Variants in SNX13 observed in about 807,000 individuals in gnomAD.
The protein encoded by SNX13 is sorting nexin 13, also known as sorting nexin-13.
Under a neutral mutation model 133.6 loss-of-function variants are expected in SNX13, and 45 were observed. That is an observed-to-expected ratio of 0.34 (90% CI 0.27 to 0.43). The LOEUF is 0.43. Among genes scored for constraint, SNX13 ranks in the 20% least tolerant of loss-of-function variants. The pLI, the probability that SNX13 is intolerant of heterozygous loss-of-function variation, is 1.00. For missense variants in SNX13, 1,032 were observed against 1,145.1 expected (o/e 0.90, Z 1.43); for synonymous variants, 414 against 373.9 (o/e 1.11, Z -1.24).
intron 5 of SNX13, chr7:17,888,272 C>T (rs1263684892): frequency 6.6e-6 from 1 of 151,794 alleles, no homozygotes; most frequent in Admixed American, 6.6e-5. Context: ...AATGGTCAAG[C>T]AAAGATATAA....
intron 5 of SNX13, chr7:17,880,682 G>A (rs1389611549): frequency 6.6e-6 from 1 of 152,176 alleles, no homozygotes; most frequent in Non-Finnish European, 1.5e-5. Flanking sequence ...CAAAGGGAAT[G>A]GAGAGCACTG....
At chr7:17,841,016 T>C (rs1224160481) in intron 12 of SNX13, among the ~76,000 whole-genome samples, 2 of 152,092 alleles carry the variant, frequency 1.3e-5, no homozygotes, top group African/African-American at 4.8e-5. Context: ...AACAAGTAGC[T>C]GTGCATGCAC....
chr7:17,895,754 T>C (rs201187729), intron 2 of SNX13, among the ~76,000 whole-genome samples: 1 of 152,146 alleles, frequency 6.6e-6, no homozygotes, highest in African/African-American at 2.4e-5. Context: ...TATTAAAGAT[T>C]AAAAACTTAA....
chr7:17,919,175 G>C (rs1008009190), intron 1 of SNX13, among the ~76,000 whole-genome samples: 1 of 152,102 alleles, frequency 6.6e-6, no homozygotes, highest in Non-Finnish European at 1.5e-5. Context: ...GTCAATAGAA[G>C]TCCAAACCTC....
At chr7:17,800,775 A>C (rs1005533849) in intron 22 of SNX13, among the ~76,000 whole-genome samples, 4 of 151,610 alleles carry the variant, frequency 2.6e-5, no homozygotes, top group Non-Finnish European at 5.9e-5. Context: ...CAGACGCATA[A>C]GACAGAACAT....
At chr7:17,881,334 A>G (rs1312248452) in intron 5 of SNX13, 1 of 151,754 alleles carries the variant, frequency 6.6e-6, no homozygotes, top group Admixed American at 6.6e-5. Flanking sequence ...ATATACACAT[A>G]CACAAACACA....
Position 17,801,634 on chromosome 7 carries a change from T to A in SNX13, c.2252A>T (p.Asp751Val), listed in dbSNP as rs764284892. 3.1e-6 allele frequency: 5 copies of A among 1,609,256 alleles called. No homozygotes were observed. The East Asian group carries it at 1.1e-4, about 36-fold the overall frequency. ...AACTCGGCGATGTTCAGGGTCTGAA[T>A]CAGTCTTAGGAATTAAAGGAGGCAC... Reference protein sequence around the residue: ...FKVPPLIPKTDSDPEHRRVSA... With the variant: ...FKVPPLIPKTVSDPEHRRVSA... The change falls in exon 22 of 26, where the codon GAT (aspartate) becomes GTT (valine). Residue 751 changes from aspartate to valine, a missense_variant. Physicochemically the swap from Asp to Val is radical, Grantham distance 152. Coordinates refer to ENST00000428135, the MANE Select transcript of SNX13 (RefSeq NM_015132.5).
At chr7:17,927,636 C>T (rs547631021) in intron 1 of SNX13, among the ~76,000 whole-genome samples, 1 of 152,296 alleles carries the variant, frequency 6.6e-6, no homozygotes, top group East Asian at 1.9e-4. Context: ...CCTTATGACA[C>T]TAAACCAAAA....
chr7:17,825,934 T>C (rs1185123454), intron 17 of SNX13, 88 bp downstream of exon 17: 2 of 887,498 alleles, frequency 2.3e-6, no homozygotes, highest in Admixed American at 3.1e-5. Context: ...AACAAAAAAA[T>C]GGTTAGTAAA....
At chr7:17,832,551 CA>C (rs1410989544) in intron 15 of SNX13, 1 of 906,702 alleles carries the variant, frequency 1.1e-6, no homozygotes, top group African/African-American at 1.8e-5. Context: ...TTATAATAGT[CA>C]TTTTAGGATG....
At chr7:17,816,075 T>G in intron 19 of SNX13, 107 bp downstream of exon 19, 1 of 1,259,368 alleles carries the variant, frequency 7.9e-7, no homozygotes, top group Non-Finnish European at 1.1e-6. Flanking sequence ...GTTGCTACCC[T>G]GTGATTACAG....
intron 9 of SNX13, among the ~76,000 whole-genome samples, chr7:17,853,660 T>C (rs910443214): frequency 4.6e-5 from 7 of 152,194 alleles, no homozygotes; most frequent in East Asian, 1.9e-4. Context: ...AAATTGGCAA[T>C]AGGCCAGGCA....
At chr7:17,905,619 T>C (rs935989170) in intron 1 of SNX13, among the ~76,000 whole-genome samples, 2 of 152,216 alleles carry the variant, frequency 1.3e-5, no homozygotes, top group Admixed American at 6.5e-5. Flanking sequence ...TAACTTTATA[T>C]GCTAAAGTTT....
chr7:17,864,007 C>T (rs1198223862), intron 9 of SNX13, among the ~76,000 whole-genome samples: 1 of 152,168 alleles, frequency 6.6e-6, no homozygotes, highest in Admixed American at 6.5e-5. Flanking sequence ...TGACCATAGG[C>T]TTAGGTTACA....
chr7:17,817,267 A>G (rs1442935148), intron 18 of SNX13, among the ~76,000 whole-genome samples: 1 of 152,234 alleles, frequency 6.6e-6, no homozygotes, highest in Admixed American at 6.5e-5. Context: ...TAACCATACG[A>G]GCTGCTAAAA....
Position 17,794,193 on chromosome 7 carries a change from T to C in SNX13, c.2726A>G (p.Tyr909Cys). 1 of 1,611,680 alleles carries C rather than the reference T, an allele frequency of 6.2e-7. No homozygotes were observed. The highest frequency in any genetic ancestry group is 8.5e-7 in the Non-Finnish European group (1 of 1,178,486). The change falls in exon 26 of 26, where the codon TAT (tyrosine) becomes TGT (cysteine). Residue 909 changes from tyrosine (Y) to cysteine (C), a missense_variant. Tyr to Cys is a radical substitution (Grantham distance 194, BLOSUM62 -2). Coordinates refer to ENST00000428135, the MANE Select transcript of SNX13 (RefSeq NM_015132.5). Reference sequence around the variant, plus strand: ...TTCTAAAAAGCCTTCCAAGAAGACATAAACCATTCTCCTATTTAATTGGTT... The same window carrying C: ...TTCTAAAAAGCCTTCCAAGAAGACACAAACCATTCTCCTATTTAATTGGTT... ...QHNQLNRRMV[Y>C]VFLEGFLETL...
chr7:17,799,022 C>T lies in SNX13; in HGVS notation c.2431G>A (p.Asp811Asn). The T allele has an allele frequency of 3.7e-6, 6 of 1,609,160 alleles. No individual in the cohort carries two copies. The highest frequency in any genetic ancestry group is 3.4e-6 in the Non-Finnish European group (4 of 1,177,330). Residue 811 changes from aspartate to asparagine, a missense_variant, in exon 23 of 26, where the codon GAT (aspartate) becomes AAT (asparagine). Coordinates refer to ENST00000428135, the MANE Select transcript of SNX13 (RefSeq NM_015132.5). Reference protein sequence around the residue: ...LQQLIRATYGDTINRKIVDHV... With the variant: ...LQQLIRATYGNTINRKIVDHV... ...AAAGAGTGCTACCTATTAATAGTAT[C>T]GCCATATGTAGCTCTAATAAGCTGT...
intron 15 of SNX13, chr7:17,831,310 T>C: frequency 7.5e-6 from 7 of 934,184 alleles, no homozygotes; most frequent in Non-Finnish European, 8.9e-6. Flanking sequence ...AATGTTGAGA[T>C]TAAAATTTAA....
chr7:17,831,232 A>C (rs1165896872), intron 15 of SNX13: 1 of 984,018 alleles, frequency 1.0e-6, no homozygotes, highest in Non-Finnish European at 1.2e-6. Context: ...CATTTAATCA[A>C]GAATTGGATG....
Sources: allele counts gnomAD v4.1 joint callset (sites outside exome capture counted in the v4.1 genomes callset), GRCh38; gene constraint gnomAD v4.1.1; transcripts MANE v1.5; gene names NCBI Gene and HGNC (gene_info 2026-07-23, HGNC 2026-07-21).